Variants in NLRC3 observed in about 807,000 individuals in gnomAD.
The protein encoded by NLRC3 is NLR family CARD domain-containing protein 3.
Under a neutral mutation model 91.6 loss-of-function variants are expected in NLRC3, and 87 were observed. The ratio of observed to expected loss-of-function variants is 0.95; its 90% CI spans 0.80 to 1.14. The LOEUF is 1.14. NLRC3 is among the 50% of genes most tolerant of loss of function. The pLI is 0.00. For synonymous variants in NLRC3, 694 were observed against 625.3 expected (o/e 1.11, Z -1.64); for missense variants, 1,577 against 1,418.6 (o/e 1.11, Z -1.79).
chr16:3,575,224 T>C (rs1220198662), intron 1 of NLRC3, among the ~76,000 whole-genome samples: 2 of 152,102 alleles, frequency 1.3e-5, no homozygotes, highest in Non-Finnish European at 2.9e-5. Flanking sequence ...CCCCCTGCCA[T>C]TGCCAGCACC....
At chr16:3,544,213 G>C in intron 16 of NLRC3, 33 bp downstream of exon 16, 2 of 1,354,164 alleles carry the variant, frequency 1.5e-6, no homozygotes, top group Non-Finnish European at 1.1e-6. Context: ...GAAGGGACCG[G>C]TTTCCTGACT....
intron 10 of NLRC3, among the ~76,000 whole-genome samples, chr16:3,551,263 CTCAT>C (rs2038983174): frequency 6.8e-6 from 1 of 146,968 alleles, no homozygotes; most frequent in Admixed American, 6.8e-5. Context: ...CATTCATTCA[CTCAT>C]TCATTCTACC....
chr16:3,545,329 A>T (rs1308472030), intron 15 of NLRC3: 1 of 151,910 alleles, frequency 6.6e-6, no homozygotes, highest in Non-Finnish European at 1.5e-5. Flanking sequence ...TAGTAGAGAC[A>T]GGGTTCTCTG....
chr16:3,556,789 C>T, intron 8 of NLRC3, 122 bp downstream of exon 8: 1 of 685,810 alleles, frequency 1.5e-6, no homozygotes, highest in Non-Finnish European at 2.6e-6. Context: ...AGATGTGAGC[C>T]ACTGTGCCCG....
At chr16:3,562,642 A>G (rs1567142510) in intron 5 of NLRC3, among the ~76,000 whole-genome samples, 1 of 151,842 alleles carries the variant, frequency 6.6e-6, no homozygotes, top group Non-Finnish European at 1.5e-5. Flanking sequence ...CTCCATCTCA[A>G]AAAAAAAGAG....
At chr16:3,568,266 G>C (rs557683364) in intron 1 of NLRC3, among the ~76,000 whole-genome samples, 38 of 152,352 alleles carry the variant, frequency 2.5e-4, no homozygotes, top group Admixed American at 5.9e-4. Context: ...AGGTCATGGT[G>C]TTGAAGAAGT....
intron 1 of NLRC3, among the ~76,000 whole-genome samples, chr16:3,575,036 C>CA (rs2040233993): frequency 6.6e-6 from 1 of 152,188 alleles, no homozygotes; most frequent in Non-Finnish European, 1.5e-5. Flanking sequence ...TTAGTATAAG[C>CA]ATAGCTTATG....
Position 3,563,346 on chromosome 16 carries a change from C to A in NLRC3, c.1591G>T (p.Gly531Cys). 1.3e-6 allele frequency: 2 copies of A among 1,591,772 alleles called. No homozygotes were observed. Among genetic ancestry groups the A allele is most frequent in the Non-Finnish European group, 1.7e-6 (2 of 1,170,230 alleles). Residue 531 changes from glycine (G) to cysteine (C), a missense_variant, in exon 5 of 20, where the codon GGC (glycine) becomes TGC (cysteine). Transcript: ENST00000359128. ...LSPRVNALLA[G>C]SLLAQGEHQA... ...TGCTCGCCTTGGGCCAGCAGGGAGC[C>A]GGCCAGGAGGGCATTGACCCTCGGA...
chr16:3,557,464 C>G, intron 7 of NLRC3, 129 bp downstream of exon 7: 1 of 624,358 alleles, frequency 1.6e-6, no homozygotes, highest in East Asian at 2.8e-5. Context: ...GGGGCTGAAT[C>G]ATGGGAATCA....
chr16:3,567,913 T>C (rs1245653313), intron 1 of NLRC3, among the ~76,000 whole-genome samples: 1 of 150,896 alleles, frequency 6.6e-6, no homozygotes, highest in Non-Finnish European at 1.5e-5. Context: ...TTGCCCAGGC[T>C]GGAGTGCAAT....
At chr16:3,542,299 C>G (rs753985702) in intron 18 of NLRC3, 25 bp from the exon 19 acceptor site, 2 of 1,421,890 alleles carry the variant, frequency 1.4e-6, no homozygotes, top group Non-Finnish European at 2.0e-6. Context: ...GATGGAGACA[C>G]ACGGTGAGCC....
Position 3,554,336 on chromosome 16 carries a change from A to G in NLRC3, c.2184-11T>C, listed in dbSNP as rs2039178246. On this transcript the variant is annotated splice_polypyrimidine_tract_variant and intron_variant, in intron 8 of 19. Coordinates refer to ENST00000359128, the MANE Select transcript of NLRC3 (RefSeq NM_178844.4). ...GTGTTGCCCTGGAGGCTGCAGAGAC[A>G]AGAAGAGGCTCATCACTGATGGAGC... 9 of 1,605,898 alleles carry G rather than the reference A, an allele frequency of 5.6e-6. No homozygotes were observed. In the Middle Eastern group the frequency reaches 8.3e-4, roughly 149 times the overall value.
intron 1 of NLRC3, among the ~76,000 whole-genome samples, chr16:3,571,520 G>T (rs945500988): frequency 2.7e-5 from 4 of 149,652 alleles, no homozygotes; most frequent in Non-Finnish European, 5.9e-5. Context: ...ATCCAGCTTG[G>T]GTGACAGAGC....
In NLRC3 at chr16:3,539,729, TC is replaced by T. The variant is rs776226497; in HGVS notation, c.*2095del. 1 of 152,138 alleles carries T rather than the reference TC, an allele frequency of 6.6e-6. No homozygotes were observed. Among genetic ancestry groups the T allele is most frequent in the African/African-American group, 2.4e-5 (1 of 41,422 alleles). The allele number at this position is 152,138 out of a possible 1,614,324, so 9.4% of individuals were successfully genotyped here. ...ATACTGCAAGACCCATGTTCAGATT[TC>T]CCCCCTTTTACAAATAATGTTTTGT... On this transcript the variant is annotated 3_prime_UTR_variant, in exon 20 of 20. Coordinates refer to ENST00000359128, the MANE Select transcript of NLRC3 (RefSeq NM_178844.4).
rs777186394 is a variant in NLRC3 at position 3,563,346 on chromosome 16, C to G, written c.1591G>C (p.Gly531Arg). 1.9e-6 allele frequency: 3 copies of G among 1,591,654 alleles called. No individual in the cohort carries two copies. Among genetic ancestry groups the G allele is most frequent in the South Asian group, 2.3e-5 (2 of 87,630 alleles). ...TGCTCGCCTTGGGCCAGCAGGGAGC[C>G]GGCCAGGAGGGCATTGACCCTCGGA... is the stretch of plus-strand genomic sequence containing the variant. ...LSPRVNALLAGSLLAQGEHQA... is the reference protein window; with the variant it reads ...LSPRVNALLARSLLAQGEHQA... The change falls in exon 5 of 20, where the codon GGC becomes CGC. Residue 531 changes from glycine to arginine, a missense_variant. Transcript: ENST00000359128.
In NLRC3 at chr16:3,563,116, G is replaced by T; in HGVS notation, c.1821C>A (p.Leu607=). Residue 607 remains leucine, a synonymous_variant, in exon 5 of 20, where the codon CTC becomes CTA. Coordinates refer to ENST00000359128, the MANE Select transcript of NLRC3 (RefSeq NM_178844.4). ...GGGCACAGGCGTCGGACACCTGCAG[G>T]AGGTAGGCCAGGGCAGCGCGGTGCG... ...GPAHRAALAY[L]LQVSDACAQE... 1.9e-6 allele frequency: 3 copies of T among 1,580,680 alleles called. No individual in the cohort carries two copies. The highest frequency in any genetic ancestry group is 2.6e-6 in the Non-Finnish European group (3 of 1,164,164).
rs1275592324 is a variant in NLRC3, at chr16:3,542,838, T to A, written c.2940-63A>T. On this transcript the variant is annotated intron_variant, in intron 17 of 19. Coordinates refer to ENST00000359128, the MANE Select transcript of NLRC3 (RefSeq NM_178844.4). ...GGCTGAGAGGTGATACTGACCCCTC[T>A]GCGGGTGGGCTTGGGGCTGCTTGGT... 7 of 1,169,498 alleles carry A rather than the reference T, an allele frequency of 6.0e-6. No homozygotes were observed. The Admixed American group carries it at 6.0e-5, about 10-fold the overall frequency. 72.4% of individuals were successfully genotyped at this position (1,169,498 alleles called of 1,614,324 possible). A position where few individuals can be genotyped will look rare whatever the true frequency, so the allele number is the denominator to read the frequency against.
At chr16:3,562,958 G>T in intron 5 of NLRC3, 51 bp downstream of exon 5, 2 of 1,488,910 alleles carry the variant, frequency 1.3e-6, no homozygotes, top group Non-Finnish European at 9.1e-7. Context: ...GACGGCTTCT[G>T]CTCTCTCCTC....
At position 3,554,333 on chromosome 16, in the gene NLRC3, G is replaced by C; in HGVS notation, c.2184-8C>G. On this transcript the variant is annotated splice_region_variant and splice_polypyrimidine_tract_variant and intron_variant, in intron 8 of 19. Coordinates refer to ENST00000359128, the MANE Select transcript of NLRC3 (RefSeq NM_178844.4). ...ACGGTGTTGCCCTGGAGGCTGCAGA[G>C]ACAAGAAGAGGCTCATCACTGATGG... 1.2e-6 allele frequency: 2 copies of C among 1,608,698 alleles called. No individual in the cohort carries two copies. Among genetic ancestry groups the C allele is most frequent in the Non-Finnish European group, 1.7e-6 (2 of 1,175,298 alleles).
Sources: gnomAD v4.1 joint callset for allele counts (sites outside exome capture counted in the v4.1 genomes callset) on GRCh38, gnomAD v4.1.1 for gene constraint, MANE v1.5 for transcripts, NCBI Gene and HGNC (gene_info 2026-07-23, HGNC 2026-07-21) for gene names.